Variants in THAP2 observed in about 807,000 individuals in gnomAD.
THAP2 encodes the protein THAP domain-containing protein 2.
A neutral mutation model predicts 18.8 loss-of-function variants in THAP2; 16 were observed. The ratio of observed to expected loss-of-function variants is 0.85; its 90% CI spans 0.58 to 1.29. The LOEUF is 1.29. THAP2 is among the 50% of genes most tolerant of loss of function. THAP2 has a pLI of 0.00. For synonymous variants in THAP2, 80 were observed against 89.2 expected, an observed-to-expected ratio of 0.90 and a Z score of 0.58; for missense variants, 251 against 265.3, an observed-to-expected ratio of 0.95 and a Z score of 0.38.
intron 1 of THAP2, among the ~76,000 whole-genome samples, chr12:71,669,245 T>A (rs949507208): frequency 3.3e-5 from 5 of 152,198 alleles, no homozygotes; most frequent in Admixed American, 1.3e-4. Context: ...AACTGTGCTA[T>A]CAGTGCTATA....
At chr12:71,668,326 G>A (rs550679717) in intron 1 of THAP2, among the ~76,000 whole-genome samples, 2 of 152,238 alleles carry the variant, frequency 1.3e-5, no homozygotes, top group Admixed American at 6.5e-5. Context: ...ATCGACACTT[G>A]TAGTTACTTT....
intron 1 of THAP2, among the ~76,000 whole-genome samples, chr12:71,671,591 T>C (rs1881439914): frequency 6.6e-6 from 1 of 152,220 alleles, no homozygotes; most frequent in African/African-American, 2.4e-5. Context: ...CACACACACT[T>C]TTCTTTAGCA....
At chr12:71,671,199 G>A (rs966798803) in intron 1 of THAP2, among the ~76,000 whole-genome samples, 2 of 152,110 alleles carry the variant, frequency 1.3e-5, no homozygotes, top group African/African-American at 4.8e-5. Context: ...CTCTAAAAAT[G>A]GTTCTATATT....
intron 1 of THAP2, chr12:71,664,858 TC>T: frequency 1.4e-6 from 1 of 702,756 alleles, no homozygotes. Flanking sequence ...ACTGTTTTAT[TC>T]CTCTGTTAGA....
In THAP2 at chr12:71,664,430, G is replaced by T. The variant is rs1881286494; in HGVS notation, c.-80G>T. The T allele has an allele frequency of 1.9e-6, 3 of 1,575,498 alleles. No homozygotes were observed. Among genetic ancestry groups the T allele is most frequent in the Non-Finnish European group, 2.6e-6 (3 of 1,146,058 alleles). ...CGATTAAGGCACGCCTGCCTCGATT[G>T]TCCAGCCTCTGCCAGAAGAAAGCTT... On this transcript the variant is annotated 5_prime_UTR_variant, in exon 1 of 3. Coordinates refer to ENST00000308086, the MANE Select transcript of THAP2 (RefSeq NM_031435.4).
Position 71,670,423 on chromosome 12 carries a change from G to C in THAP2, c.72-3780G>C, listed in dbSNP as rs577339426. 8.5e-5 allele frequency among the ~76,000 whole-genome samples: 13 copies of C among 152,208 alleles called. 1 individual carries two copies. The East Asian group carries it at 2.3e-3, about 27-fold the overall frequency. On this transcript the variant is annotated intron_variant, in intron 1 of 2. Coordinates refer to ENST00000308086, the MANE Select transcript of THAP2 (RefSeq NM_031435.4). ...GTCTCTTCCTTAATAGGTACACACT[G>C]GATGCATATCAGTGTACAGTTGACC...
intron 1 of THAP2, among the ~76,000 whole-genome samples, chr12:71,669,423 GA>G (rs1176329728): frequency 5.3e-5 from 8 of 152,142 alleles, no homozygotes; most frequent in African/African-American, 9.7e-5. Context: ...TTAAGGACCT[GA>G]AAAATAGTAT....
rs1015687464 is a variant in THAP2 at position 71,664,367 on chromosome 12, C to G, written c.-143C>G. The G allele has an allele frequency of 1.2e-5, 11 of 934,138 alleles. No homozygotes were observed. Among genetic ancestry groups the G allele is most frequent in the Admixed American group, 4.1e-5 (2 of 48,866 alleles). The allele number at this position is 934,138 out of a possible 1,614,324, so 57.9% of individuals were successfully genotyped here. A position where few individuals can be genotyped will look rare whatever the true frequency, so the allele number is the denominator to read the frequency against. ...CTTCGCCTCCGCCCCCACATACACACCCCTTCTTCCCACTCCGCTCTCACG... is the reference window on the plus strand; with the variant it reads ...CTTCGCCTCCGCCCCCACATACACAGCCCTTCTTCCCACTCCGCTCTCACG... On this transcript the variant is annotated 5_prime_UTR_variant, in exon 1 of 3. Coordinates refer to ENST00000308086, the MANE Select transcript of THAP2 (RefSeq NM_031435.4).
At chr12:71,673,337 A>G (rs777255530) in intron 1 of THAP2, among the ~76,000 whole-genome samples, 1 of 151,944 alleles carries the variant, frequency 6.6e-6, no homozygotes, top group East Asian at 1.9e-4. Context: ...GTTTTTTCCA[A>G]TTGTTTCAAA....
In THAP2 at chr12:71,676,952, A is replaced by G; in HGVS notation, c.531A>G (p.Glu177=). The stretch of plus-strand genomic sequence containing the variant: ...CCACGTGTTTGGTAAAGAATTTAGA[A>G]GCAAATAGTGTATTACCTAAAGGTA... ...IKATCLVKNL[E]ANSVLPKGTS... is the part of the protein sequence containing the mutation. Residue 177 remains glutamate (E), a synonymous_variant, in exon 3 of 3, where the codon GAA becomes GAG. Coordinates refer to ENST00000308086, the MANE Select transcript of THAP2 (RefSeq NM_031435.4). 6.2e-7 allele frequency: 1 copy of G among 1,613,814 alleles called. No individual in the cohort carries two copies. Among genetic ancestry groups the G allele is most frequent in the Non-Finnish European group, 8.5e-7 (1 of 1,179,734 alleles).
Position 71,674,355 on chromosome 12 carries a change from C to G in THAP2, c.224C>G (p.Ala75Gly). 6.2e-7 allele frequency: 1 copy of G among 1,611,550 alleles called. No homozygotes were observed. Among genetic ancestry groups the G allele is most frequent in the African/African-American group, 1.3e-5 (1 of 74,936 alleles). Reference protein sequence around the residue: ...TGQTRRLKMDAVPTIFDFCTH... With the variant: ...TGQTRRLKMDGVPTIFDFCTH... ...CAAACTCGACGACTTAAAATGGATG[C>G]TGTTCCAACCATTTTTGATTTTTGT... Residue 75 changes from alanine to glycine, a missense_variant, in exon 2 of 3, where the codon GCT becomes GGT. Coordinates refer to ENST00000308086, the MANE Select transcript of THAP2 (RefSeq NM_031435.4).
At chr12:71,670,727 T>C (rs901912933) in intron 1 of THAP2, among the ~76,000 whole-genome samples, 3 of 151,900 alleles carry the variant, frequency 2.0e-5, no homozygotes, top group Admixed American at 6.6e-5. Context: ...TCACCTGAGG[T>C]CAGGAGTTCA....
rs1310582374 is a variant in THAP2 at position 71,678,440 on chromosome 12, G to T, written c.*1332G>T. 1 of 152,556 alleles carries T rather than the reference G, an allele frequency of 6.6e-6. No homozygotes were observed. Among genetic ancestry groups the T allele is most frequent in the Non-Finnish European group, 1.5e-5 (1 of 68,020 alleles). 9.5% of individuals were successfully genotyped at this position (152,556 alleles called of 1,614,324 possible). On this transcript the variant is annotated 3_prime_UTR_variant, in exon 3 of 3. Transcript: ENST00000308086. Reference sequence around the variant, plus strand: ...AAAGTTCAGAACTATTCTTATCATTGCCACTTGAACAATTAAAGGGTTTGC... The same window carrying T: ...AAAGTTCAGAACTATTCTTATCATTTCCACTTGAACAATTAAAGGGTTTGC...
rs1044704901 is a variant in THAP2 at position 71,680,627 on chromosome 12, C to A, written c.*3519C>A. The A allele has an allele frequency of 6.6e-6, 1 of 152,160 alleles. No individual in the cohort carries two copies. Among genetic ancestry groups the A allele is most frequent in the Non-Finnish European group, 1.5e-5 (1 of 67,990 alleles). 9.4% of individuals were successfully genotyped at this position (152,160 alleles called of 1,614,324 possible). On this transcript the variant is annotated 3_prime_UTR_variant, in exon 3 of 3. Coordinates refer to ENST00000308086, the MANE Select transcript of THAP2 (RefSeq NM_031435.4). ...GTATTCTGAGTATGGTGATATTAAA[C>A]ATTTTTCCCCAAGGAAATTACTGTC...
At chr12:71,669,964 A>T (rs944935981) in intron 1 of THAP2, among the ~76,000 whole-genome samples, 1 of 151,900 alleles carries the variant, frequency 6.6e-6, no homozygotes, top group African/African-American at 2.4e-5. Context: ...TCTCAAAAAA[A>T]AAAAAAAAAC....
At chr12:71,670,854 A>G (rs930555893) in intron 1 of THAP2, among the ~76,000 whole-genome samples, 1 of 150,108 alleles carries the variant, frequency 6.7e-6, no homozygotes, top group African/African-American at 2.5e-5. Context: ...CAGGAGAATC[A>G]CTTAAACCTG....
intron 1 of THAP2, chr12:71,667,425 C>T (rs1881362084): frequency 6.6e-6 from 1 of 152,156 alleles, no homozygotes; most frequent in African/African-American, 2.4e-5. Flanking sequence ...GAGTTCCAGA[C>T]CTATAGGCCA....
intron 1 of THAP2, among the ~76,000 whole-genome samples, chr12:71,672,634 G>T (rs2137580176): frequency 6.6e-6 from 1 of 151,464 alleles, no homozygotes; most frequent in South Asian, 2.1e-4. Flanking sequence ...ACAGCTTGAT[G>T]ATTTTTTTTT....
At position 71,672,475 on chromosome 12, in the gene THAP2, T is replaced by TA. The variant is rs960418125; in HGVS notation, c.72-1719dup. ...TGATTTTTCTAAAAAATTTTCTTTCTAAAAAAAAACTACCTCTAGTCCTGG... is the reference window on the plus strand; with the variant it reads ...TGATTTTTCTAAAAAATTTTCTTTCTAAAAAAAAAACTACCTCTAGTCCTGG... On this transcript the variant is annotated intron_variant, in intron 1 of 2. Transcript: ENST00000308086. 3.3e-5 allele frequency among the ~76,000 whole-genome samples: 5 copies of TA among 151,314 alleles called. 1 individual carries two copies. The highest frequency in any genetic ancestry group is 6.6e-5 in the Admixed American group (1 of 15,140).
Sources: gnomAD v4.1 joint callset for allele counts (sites outside exome capture counted in the v4.1 genomes callset) on GRCh38, gnomAD v4.1.1 for gene constraint, MANE v1.5 for transcripts, NCBI Gene and HGNC (gene_info 2026-07-23, HGNC 2026-07-21) for gene names.